CRACD: variants seen among roughly 807,000 people sequenced by gnomAD.
CRACD encodes the protein capping protein-inhibiting regulator of actin dynamics.
Under a neutral mutation model 106.8 loss-of-function variants are expected in CRACD, and 56 were observed. The ratio of observed to expected loss-of-function variants is 0.52; its 90% CI spans 0.42 to 0.66. The LOEUF is 0.66. Ranked by LOEUF, CRACD falls within the 30% of genes least tolerant of loss-of-function variation. The pLI, the probability that CRACD is intolerant of heterozygous loss-of-function variation, is 0.00. For missense variants in CRACD, 1,730 were observed against 1,623.2 expected (o/e 1.07, Z -1.13); for synonymous variants, 754 against 670.8 (o/e 1.12, Z -1.92).
At chr4:56,120,030 G>T (rs1420837692) in intron 1 of CRACD, among the ~76,000 whole-genome samples, 2 of 152,064 alleles carry the variant, frequency 1.3e-5, no homozygotes, top group African/African-American at 2.4e-5. Context: ...TCAGGATTTT[G>T]TGATGAAATT....
At chr4:56,062,031 G>A (rs558630443) in intron 1 of CRACD, among the ~76,000 whole-genome samples, 147 of 152,232 alleles carry the variant, frequency 9.7e-4, no homozygotes, top group Middle Eastern at 3.4e-3. Flanking sequence ...CAGTTTATTC[G>A]ATGTCATGAA....
At position 56,214,652 on chromosome 4, in the gene CRACD, A is replaced by ACTCTCTCTCTCTCT. The variant is rs572003455; in HGVS notation, c.-189+35239_-189+35252dup. On this transcript the variant is annotated intron_variant, in intron 2 of 10. Transcript: ENST00000682029. ...CTCCAGCCTGGCGACAGAGCTAGACACTCTCTCTCTCTCTCTCTCTCTCTC... is the reference window on the plus strand; with the variant it reads ...CTCCAGCCTGGCGACAGAGCTAGACACTCTCTCTCTCTCTCTCTCTCTCTCTCTCTCTCTCTCTC... 1.6e-4 allele frequency among the ~76,000 whole-genome samples: 16 copies of ACTCTCTCTCTCTCT among 101,866 alleles called. No homozygotes were observed. The South Asian group carries it at 1.6e-3, about 10-fold the overall frequency. The allele number at this position is 101,866 out of a possible 152,430, so 66.8% of individuals were successfully genotyped here. A position where few individuals can be genotyped will look rare whatever the true frequency, so the allele number is the denominator to read the frequency against.
chr4:56,112,214 A>G (rs9998022), intron 1 of CRACD, among the ~76,000 whole-genome samples: 71,428 of 151,600 alleles, frequency 0.47, 18,023 homozygotes, highest in African/African-American at 0.66. Context: ...GCTGACATCT[A>G]GATAGCAGCG....
intron 2 of CRACD, chr4:56,216,419 G>C (rs993068435): frequency 6.6e-6 from 1 of 152,066 alleles, no homozygotes; most frequent in Non-Finnish European, 1.5e-5. Context: ...TTCATTCTGA[G>C]CATCTATTTA....
chr4:56,073,132 G>A (rs921350270), intron 1 of CRACD, among the ~76,000 whole-genome samples: 2 of 152,164 alleles, frequency 1.3e-5, no homozygotes. Flanking sequence ...ACAATGGGAT[G>A]GCTGGGTCAA....
chr4:56,160,508 A>G (rs529058843), intron 1 of CRACD, among the ~76,000 whole-genome samples: 17 of 152,270 alleles, frequency 1.1e-4, no homozygotes, highest in African/African-American at 4.1e-4. Context: ...AAATCAAGCT[A>G]TTTATAAAGT....
chr4:56,310,275 G>A (rs1432801507), intron 5 of CRACD, among the ~76,000 whole-genome samples: 2 of 152,148 alleles, frequency 1.3e-5, no homozygotes, highest in African/African-American at 4.8e-5. Flanking sequence ...GGTGTGGCTG[G>A]AGAAGGGGAG....
chr4:56,277,254 G>C (rs751310311), intron 3 of CRACD, among the ~76,000 whole-genome samples: 6 of 152,054 alleles, frequency 3.9e-5, no homozygotes, highest in Non-Finnish European at 5.9e-5. Flanking sequence ...AAAACTAGTA[G>C]CCTGAATCCA....
chr4:56,299,016 G>C (rs1452579210), intron 4 of CRACD, among the ~76,000 whole-genome samples: 1 of 152,166 alleles, frequency 6.6e-6, no homozygotes, highest in African/African-American at 2.4e-5. Context: ...CATAATCCCT[G>C]AATCAGGGCT....
intron 1 of CRACD, among the ~76,000 whole-genome samples, chr4:56,076,549 A>T (rs1732844438): frequency 6.6e-6 from 1 of 152,192 alleles, no homozygotes; most frequent in Non-Finnish European, 1.5e-5. Flanking sequence ...GAACCTCAGA[A>T]TTGCTCTGTA....
At chr4:56,054,278 T>C (rs1731978252) in intron 1 of CRACD, among the ~76,000 whole-genome samples, 1 of 152,180 alleles carries the variant, frequency 6.6e-6, no homozygotes. Context: ...CCTCCTGGGC[T>C]CAAGTGATCC....
chr4:56,297,709 T>C (rs11729606), intron 3 of CRACD: 22,027 of 152,392 alleles, frequency 0.14, 1,897 homozygotes, highest in Middle Eastern at 0.27. Flanking sequence ...TTTCCCGAAA[T>C]TGCTAAAGCA....
intron 1 of CRACD, among the ~76,000 whole-genome samples, chr4:56,163,922 AT>A (rs1736049130): frequency 6.6e-6 from 1 of 151,724 alleles, no homozygotes; most frequent in East Asian, 1.9e-4. Context: ...ATTTTTTTGT[AT>A]TTTTAGTAGA....
intron 2 of CRACD, among the ~76,000 whole-genome samples, chr4:56,248,834 T>C: frequency 6.8e-6 from 1 of 146,688 alleles, no homozygotes; most frequent in Non-Finnish European, 1.5e-5. Context: ...TGTTTGGTTT[T>C]TTGTTCTTGT....
At chr4:56,127,605 C>T (rs7675482) in intron 1 of CRACD, among the ~76,000 whole-genome samples, 2 of 152,066 alleles carry the variant, frequency 1.3e-5, no homozygotes, top group South Asian at 2.1e-4. Flanking sequence ...ATAATGTTTT[C>T]GGAAGGTAAT....
intron 3 of CRACD, among the ~76,000 whole-genome samples, chr4:56,292,209 G>A (rs1356256332): frequency 6.6e-6 from 1 of 152,200 alleles, no homozygotes; most frequent in African/African-American, 2.4e-5. Flanking sequence ...CAAGAGTGGT[G>A]ACTTAGGGTA....
At chr4:56,056,909 A>G (rs1732092540) in intron 1 of CRACD, among the ~76,000 whole-genome samples, 1 of 152,126 alleles carries the variant, frequency 6.6e-6, no homozygotes, top group Non-Finnish European at 1.5e-5. Flanking sequence ...TCCTGTTTCT[A>G]TTTTCTTCTT....
chr4:56,285,031 A>G (rs988797167), intron 3 of CRACD, among the ~76,000 whole-genome samples: 17 of 152,196 alleles, frequency 1.1e-4, no homozygotes, highest in African/African-American at 3.6e-4. Context: ...AACAGGAACC[A>G]TGGTTGGGAG....
intron 1 of CRACD, among the ~76,000 whole-genome samples, chr4:56,062,265 A>G (rs1164255225): frequency 1.3e-5 from 2 of 152,234 alleles, no homozygotes; most frequent in African/African-American, 4.8e-5. Flanking sequence ...ATTGGAATGC[A>G]TCTTAGGAGA....
Sources: allele counts gnomAD v4.1 joint callset (sites outside exome capture counted in the v4.1 genomes callset), GRCh38; gene constraint gnomAD v4.1.1; transcripts MANE v1.5; gene names NCBI Gene and HGNC (gene_info 2026-07-23, HGNC 2026-07-21).